ROBO2: variants seen among roughly 807,000 people sequenced by gnomAD.
ROBO2 encodes roundabout homolog 2.
Under a neutral mutation model 160.8 loss-of-function variants are expected in ROBO2, and 53 were observed. That is an observed-to-expected ratio of 0.33 (90% CI 0.26 to 0.41). The LOEUF (loss-of-function observed/expected upper bound fraction) is 0.41. Among genes scored for constraint, ROBO2 ranks in the 10% least tolerant of loss-of-function variants. ROBO2 has a pLI of 1.00. For missense variants in ROBO2, 1,577 were observed against 1,722.4 expected (o/e 0.92, Z 1.49); for synonymous variants, 664 against 611.7 (o/e 1.09, Z -1.26).
intron 2 of ROBO2, among the ~76,000 whole-genome samples, chr3:76,498,020 C>T (rs148788885): frequency 6.6e-6 from 1 of 152,160 alleles, no homozygotes; most frequent in Non-Finnish European, 1.5e-5. Flanking sequence ...TTTTAAACCT[C>T]TTTGTTTACT....
chr3:77,636,738 T>C (rs1334068550), intron 24 of ROBO2, among the ~76,000 whole-genome samples: 1 of 152,232 alleles, frequency 6.6e-6, no homozygotes, highest in African/African-American at 2.4e-5. Context: ...TTTTTATTTA[T>C]ATATAGCATC....
chr3:76,325,519 A>C (rs939420186), intron 2 of ROBO2, among the ~76,000 whole-genome samples: 5 of 152,130 alleles, frequency 3.3e-5, no homozygotes, highest in African/African-American at 1.2e-4. Flanking sequence ...CATACTTGTA[A>C]ACATACTTGT....
rs550412035 is a variant in ROBO2 at position 76,154,269 on chromosome 3, G to A, written c.109+216667G>A. Among the ~76,000 whole-genome samples, 571 of 152,146 alleles carry A rather than the reference G, an allele frequency of 3.8e-3. 2 individuals carry two copies. Among genetic ancestry groups the A allele is most frequent in the African/African-American group, 0.013 (537 of 41,530 alleles). The stretch of plus-strand genomic sequence containing the variant: ...ATTGCTTAGATTCTTCATCTTTGAA[G>A]AAAAAGCTAATATTCATGAATATAT... On this transcript the variant is annotated intron_variant, in intron 2 of 26. Coordinates refer to the ROBO2 transcript ENST00000487694.
intron 1 of ROBO2, among the ~76,000 whole-genome samples, chr3:75,919,743 C>T (rs544360503): frequency 6.6e-6 from 1 of 152,100 alleles, no homozygotes; most frequent in Non-Finnish European, 1.5e-5. Flanking sequence ...AGGGATTTGA[C>T]TTCTTCCTGG....
intron 2 of ROBO2, among the ~76,000 whole-genome samples, chr3:76,108,672 T>A (rs2070066126): frequency 6.6e-6 from 1 of 151,684 alleles, no homozygotes; most frequent in Non-Finnish European, 1.5e-5. Context: ...CATTACTATA[T>A]TCAAAAATAA....
chr3:76,544,784 G>A (rs536185277), intron 2 of ROBO2, among the ~76,000 whole-genome samples: 11 of 152,056 alleles, frequency 7.2e-5, no homozygotes, highest in Admixed American at 3.3e-4. Flanking sequence ...CATGATGCCC[G>A]TTAAATTAGT....
At chr3:77,526,074 A>G (rs2091125446) in intron 6 of ROBO2, among the ~76,000 whole-genome samples, 1 of 151,164 alleles carries the variant, frequency 6.6e-6, no homozygotes, top group African/African-American at 2.4e-5. Flanking sequence ...ACATTGGGTA[A>G]CTCACTCCTC....
chr3:76,181,987 C>T lies in ROBO2; in HGVS notation c.109+244385C>T, dbSNP rs148252538. The stretch of plus-strand genomic sequence containing the variant: ...GTCTCTTTTTATTTCTAACAGGAAG[C>T]ATTAATAAGGAAGAAAGATTAGGAA... On this transcript the variant is annotated intron_variant, in intron 2 of 26. Transcript: ENST00000487694. Among the ~76,000 whole-genome samples the T allele has an allele frequency of 3.6e-3, 550 of 152,096 alleles. 4 individuals are homozygous for T. Among genetic ancestry groups the T allele is most frequent in the African/African-American group, 0.013 (529 of 41,502 alleles).
At chr3:77,342,584 T>C (rs6785980) in intron 2 of ROBO2, among the ~76,000 whole-genome samples, 71,154 of 151,824 alleles carry the variant, frequency 0.47, 17,059 homozygotes, top group East Asian at 0.72. Context: ...CCTTAAGGGG[T>C]GCTAGGAGGC....
chr3:77,345,093 A>T (rs183048460), intron 2 of ROBO2, among the ~76,000 whole-genome samples: 1 of 152,070 alleles, frequency 6.6e-6, no homozygotes, highest in East Asian at 1.9e-4. Context: ...AACCGTAAAA[A>T]CTCTTATGAG....
chr3:76,818,915 G>A (rs2109095664), intron 2 of ROBO2, among the ~76,000 whole-genome samples: 1 of 151,938 alleles, frequency 6.6e-6, no homozygotes, highest in African/African-American at 2.4e-5. Context: ...TGTTCTTTTT[G>A]CTTAGTCTTG....
At chr3:77,311,813 G>A (rs1044556591) in intron 2 of ROBO2, among the ~76,000 whole-genome samples, 10 of 152,094 alleles carry the variant, frequency 6.6e-5, no homozygotes, top group African/African-American at 2.4e-4. Context: ...AGGGCCGGGC[G>A]CAGTGGGTCA....
rs2064041932 is a variant in ROBO2, at chr3:77,316,817, G to A, written c.389-160597G>A. On this transcript the variant is annotated intron_variant, in intron 2 of 25. Transcript: ENST00000461745. ...CCAGCCTTGACGTTCTTGCCATCCA[G>A]GAGAGCTGACAGTGTCAGTTTGATA... is the stretch of plus-strand genomic sequence containing the variant. The A allele has an allele frequency of 2.3e-6, 3 of 1,309,340 alleles. No homozygotes were observed. In the Admixed American group the frequency reaches 5.0e-5, roughly 22 times the overall value. 81.1% of individuals were successfully genotyped at this position (1,309,340 alleles called of 1,614,324 possible). A position where few individuals can be genotyped will look rare whatever the true frequency, so the allele number is the denominator to read the frequency against.
At chr3:76,982,315 A>G (rs2060139263) in intron 2 of ROBO2, among the ~76,000 whole-genome samples, 1 of 152,146 alleles carries the variant, frequency 6.6e-6, no homozygotes, top group South Asian at 2.1e-4. Flanking sequence ...TCTCAGAATG[A>G]TTTTTTTGAA....
chr3:77,528,577 A>G (rs1203236297), intron 6 of ROBO2, among the ~76,000 whole-genome samples: 2 of 151,664 alleles, frequency 1.3e-5, no homozygotes, highest in Non-Finnish European at 3.0e-5. Flanking sequence ...TTAGTAATTT[A>G]ATATCCCTTA....
intron 1 of ROBO2, chr3:75,937,471 C>G (rs9631539): frequency 2.0e-6 from 3 of 1,469,642 alleles, no homozygotes; most frequent in South Asian, 1.3e-5. Flanking sequence ...CCACCCCACT[C>G]AATATGCAGA....
chr3:77,636,387 A>G (rs371160195), intron 24 of ROBO2, among the ~76,000 whole-genome samples: 5 of 151,982 alleles, frequency 3.3e-5, no homozygotes, highest in Admixed American at 6.6e-5. Flanking sequence ...GGGTCAGAAG[A>G]TCAAAACCAT....
intron 2 of ROBO2, among the ~76,000 whole-genome samples, chr3:76,031,146 C>A (rs966694680): frequency 1.3e-5 from 2 of 151,960 alleles, no homozygotes; most frequent in Non-Finnish European, 1.5e-5. Flanking sequence ...ATGGGAGTTC[C>A]CTCATGATTT....
chr3:75,993,182 G>A (rs565162711), intron 2 of ROBO2, among the ~76,000 whole-genome samples: 1 of 152,216 alleles, frequency 6.6e-6, no homozygotes, highest in Non-Finnish European at 1.5e-5. Context: ...GGGTCCAGGG[G>A]CCGAATTATA....
Sources: gnomAD v4.1 joint callset for allele counts (sites outside exome capture counted in the v4.1 genomes callset) on GRCh38, gnomAD v4.1.1 for gene constraint, MANE v1.5 for transcripts, NCBI Gene and HGNC (gene_info 2026-07-23, HGNC 2026-07-21) for gene names.